AGBL4: variants seen among roughly 807,000 people sequenced by gnomAD.
The protein encoded by AGBL4 is AGBL carboxypeptidase 4.
Under a neutral mutation model 66.4 loss-of-function variants are expected in AGBL4, and 58 were observed. The observed-to-expected ratio is 0.87, with a 90% CI of 0.71 to 1.09. The LOEUF is 1.09. Among genes scored for constraint, AGBL4 ranks in the 50% least tolerant of loss-of-function variants. AGBL4 has a pLI of 0.00. For synonymous variants in AGBL4, 234 were observed against 222.9 expected (o/e 1.05, Z -0.44); for missense variants, 579 against 631.0 (o/e 0.92, Z 0.88).
intron 3 of AGBL4, among the ~76,000 whole-genome samples, chr1:49,511,203 G>C (rs531201848): frequency 2.0e-4 from 30 of 151,536 alleles, no homozygotes; most frequent in East Asian, 7.8e-4. Context: ...TTGGAACCAA[G>C]CCAAATGTCC....
intron 2 of AGBL4, among the ~76,000 whole-genome samples, chr1:49,777,205 T>C (rs1028582523): frequency 1.3e-5 from 2 of 152,106 alleles, no homozygotes; most frequent in African/African-American, 4.8e-5. Context: ...TCATAGAAAC[T>C]GGTGAATTAA....
intron 6 of AGBL4, among the ~76,000 whole-genome samples, chr1:48,693,756 C>A (rs1028593946): frequency 6.6e-6 from 1 of 152,176 alleles, no homozygotes; most frequent in Non-Finnish European, 1.5e-5. Context: ...AAACATAAAA[C>A]CCCTTTCTAA....
At chr1:49,107,812 G>A (rs1191183722) in intron 4 of AGBL4, among the ~76,000 whole-genome samples, 1 of 151,786 alleles carries the variant, frequency 6.6e-6, no homozygotes, top group East Asian at 1.9e-4. Flanking sequence ...CAGGATAGGG[G>A]GATGATCAAT....
chr1:49,857,756 C>T (rs538359036), intron 1 of AGBL4, among the ~76,000 whole-genome samples: 1 of 152,078 alleles, frequency 6.6e-6, no homozygotes, highest in Non-Finnish European at 1.5e-5. Context: ...AATATAAGAA[C>T]TGAAACTATA....
At chr1:49,009,314 C>G (rs1557554527) in intron 5 of AGBL4, among the ~76,000 whole-genome samples, 1 of 152,080 alleles carries the variant, frequency 6.6e-6, no homozygotes, top group Non-Finnish European at 1.5e-5. Flanking sequence ...TACACCCTCC[C>G]AAGACTAAAC....
At chr1:49,548,757 C>A (rs902716055) in intron 3 of AGBL4, among the ~76,000 whole-genome samples, 1 of 151,984 alleles carries the variant, frequency 6.6e-6, no homozygotes, top group South Asian at 2.1e-4. Context: ...TAAGTCCTTT[C>A]CTGGTTTTGG....
chr1:48,803,807 A>C (rs1645861702), intron 6 of AGBL4, among the ~76,000 whole-genome samples: 1 of 152,232 alleles, frequency 6.6e-6, no homozygotes, highest in Non-Finnish European at 1.5e-5. Context: ...TCTTTCAAAA[A>C]GTTCTGCCAG....
At chr1:48,872,196 T>C (rs1367638259) in intron 5 of AGBL4, among the ~76,000 whole-genome samples, 1 of 152,108 alleles carries the variant, frequency 6.6e-6, no homozygotes, top group African/African-American at 2.4e-5. Flanking sequence ...AGAACCATAG[T>C]TAATATTTTG....
chr1:48,621,438 C>T (rs180809096), intron 9 of AGBL4, among the ~76,000 whole-genome samples: 2 of 152,220 alleles, frequency 1.3e-5, no homozygotes, highest in East Asian at 3.9e-4. Flanking sequence ...ATGTGGGTGG[C>T]TAGGTCCCCT....
chr1:48,814,421 C>G (rs919939040), intron 6 of AGBL4, among the ~76,000 whole-genome samples: 3 of 152,008 alleles, frequency 2.0e-5, no homozygotes, highest in Admixed American at 2.0e-4. Context: ...AGGTAATTAG[C>G]ATATCCATCA....
chr1:49,035,052 A>G (rs999517153), intron 5 of AGBL4, among the ~76,000 whole-genome samples: 32 of 152,152 alleles, frequency 2.1e-4, no homozygotes, highest in African/African-American at 7.2e-4. Flanking sequence ...AAAATCTACC[A>G]TAAGCTAATA....
chr1:49,481,697 T>C (rs986449072), intron 3 of AGBL4, among the ~76,000 whole-genome samples: 3 of 151,974 alleles, frequency 2.0e-5, no homozygotes, highest in African/African-American at 7.2e-5. Flanking sequence ...ATCCTTGTCT[T>C]ATGCTAGTTT....
At chr1:49,475,809 T>C (rs1190976333) in intron 3 of AGBL4, among the ~76,000 whole-genome samples, 6 of 152,026 alleles carry the variant, frequency 3.9e-5, no homozygotes, top group Admixed American at 2.6e-4. Context: ...CTTATTTGGA[T>C]CTTCTCTCTA....
intron 7 of AGBL4, among the ~76,000 whole-genome samples, chr1:48,658,545 G>A (rs1646055330): frequency 6.6e-6 from 1 of 152,150 alleles, no homozygotes; most frequent in Non-Finnish European, 1.5e-5. Context: ...TGACCTTAAA[G>A]TTCACGGAGT....
intron 3 of AGBL4, among the ~76,000 whole-genome samples, chr1:49,378,955 G>T (rs751233191): frequency 6.6e-6 from 1 of 152,010 alleles, no homozygotes; most frequent in South Asian, 2.1e-4. Context: ...TAAAAGGAAG[G>T]TATGAGCAGC....
intron 3 of AGBL4, among the ~76,000 whole-genome samples, chr1:49,442,401 G>T (rs945245068): frequency 3.3e-5 from 5 of 152,124 alleles, no homozygotes; most frequent in Admixed American, 2.0e-4. Context: ...GGGGATTCTT[G>T]GAATTTATGA....
rs1644414397 is a variant in AGBL4, at chr1:49,784,823, A to C, written c.157+66573T>G. Among the ~76,000 whole-genome samples the C allele has an allele frequency of 6.6e-5, 10 of 152,144 alleles. No individual in the cohort carries two copies. In the South Asian group the frequency reaches 2.1e-3, roughly 32 times the overall value. On this transcript the variant is annotated intron_variant, in intron 2 of 13. Coordinates refer to ENST00000371839, the MANE Select transcript of AGBL4 (RefSeq NM_032785.4). ...AAAAATAAAAAATATATACAAATGG[A>C]AAACAAATACATTAAAAGATATTCA... is the stretch of plus-strand genomic sequence containing the variant.
chr1:49,710,053 C>G (rs913992348), intron 2 of AGBL4, among the ~76,000 whole-genome samples: 10 of 152,210 alleles, frequency 6.6e-5, no homozygotes, highest in Admixed American at 5.9e-4. Flanking sequence ...GGATCTGGAA[C>G]CAGAAATACC....
At chr1:49,606,879 C>G (rs1031080319) in intron 3 of AGBL4, among the ~76,000 whole-genome samples, 1 of 152,108 alleles carries the variant, frequency 6.6e-6, no homozygotes, top group East Asian at 1.9e-4. Flanking sequence ...GTCAATCTAC[C>G]ACATTCATGG....
Sources: allele counts gnomAD v4.1 joint callset (sites outside exome capture counted in the v4.1 genomes callset), GRCh38; gene constraint gnomAD v4.1.1; transcripts MANE v1.5; gene names NCBI Gene and HGNC (gene_info 2026-07-23, HGNC 2026-07-21).